ITPKB: variants seen among roughly 807,000 people sequenced by gnomAD.
ITPKB encodes the protein IP3 3-kinase B.
Under a neutral mutation model 69.4 loss-of-function variants are expected in ITPKB, and 13 were observed. That is an observed-to-expected ratio of 0.19 (90% CI 0.12 to 0.30). The LOEUF is 0.30. Among genes scored for constraint, ITPKB ranks in the 10% least tolerant of loss-of-function variants. The probability of loss-of-function intolerance (pLI) is 1.00; values close to 1 mark genes in which losing one functional copy is unlikely to be tolerated. For synonymous variants in ITPKB, 584 were observed against 513.7 expected (o/e 1.14, Z -1.85); for missense variants, 1,240 against 1,250.5 (o/e 0.99, Z 0.13).
chr1:226,702,335 T>C (rs1185634681), intron 2 of ITPKB, among the ~76,000 whole-genome samples: 1 of 151,122 alleles, frequency 6.6e-6, no homozygotes, highest in Non-Finnish European at 1.5e-5. Flanking sequence ...GGGGCGGAAG[T>C]TGCAGTGAGC....
intron 4 of ITPKB, among the ~76,000 whole-genome samples, chr1:226,644,616 A>G (rs1669028844): frequency 6.6e-6 from 1 of 152,316 alleles, no homozygotes; most frequent in Middle Eastern, 3.4e-3. Flanking sequence ...AGTCCCAAGA[A>G]GCCCCGACGT....
At chr1:226,713,146 G>A (rs1313834031) in intron 2 of ITPKB, among the ~76,000 whole-genome samples, 2 of 152,082 alleles carry the variant, frequency 1.3e-5, no homozygotes, top group African/African-American at 4.8e-5. Context: ...GCTCCGCTAA[G>A]ACACCAGAGG....
intron 2 of ITPKB, among the ~76,000 whole-genome samples, chr1:226,706,967 A>G (rs1371654191): frequency 5.9e-5 from 9 of 152,290 alleles, no homozygotes; most frequent in Admixed American, 1.3e-4. Flanking sequence ...GGGGTTTCCA[A>G]AAAGTCCAGT....
At chr1:226,663,761 A>T (rs571632332) in intron 2 of ITPKB, among the ~76,000 whole-genome samples, 21 of 152,174 alleles carry the variant, frequency 1.4e-4, no homozygotes, top group Admixed American at 3.9e-4. Context: ...ACTTCAGGTG[A>T]CCAAAGAAGT....
At chr1:226,703,203 C>A (rs1338240468) in intron 2 of ITPKB, among the ~76,000 whole-genome samples, 8 of 152,218 alleles carry the variant, frequency 5.3e-5, no homozygotes, top group Non-Finnish European at 1.0e-4. Context: ...AAAAACCTGA[C>A]TGCACACACA....
intron 2 of ITPKB, among the ~76,000 whole-genome samples, chr1:226,669,606 C>T (rs1205956994): frequency 6.6e-6 from 1 of 152,106 alleles, no homozygotes; most frequent in African/African-American, 2.4e-5. Context: ...CTATGACTAT[C>T]CAAAACGTGA....
intron 2 of ITPKB, among the ~76,000 whole-genome samples, chr1:226,655,181 G>T (rs1195218687): frequency 6.6e-6 from 1 of 152,176 alleles, no homozygotes; most frequent in Non-Finnish European, 1.5e-5. Context: ...TGGGCCTCTG[G>T]CCACCCCACT....
chr1:226,635,897 G>C (rs1167491189), intron 7 of ITPKB, among the ~76,000 whole-genome samples: 2 of 152,268 alleles, frequency 1.3e-5, no homozygotes, highest in African/African-American at 4.8e-5. Context: ...TGGGGCCAGA[G>C]GAAGGCCGGG....
intron 2 of ITPKB, among the ~76,000 whole-genome samples, chr1:226,718,992 G>C (rs1239593852): frequency 6.6e-6 from 1 of 152,156 alleles, no homozygotes; most frequent in Non-Finnish European, 1.5e-5. Flanking sequence ...AAGTGAATCG[G>C]GGGCCGGCAC....
At position 226,736,112 on chromosome 1, in the gene ITPKB, C is replaced by A. The variant is rs145422821; in HGVS notation, c.1347G>T (p.Thr449=). The A allele has an allele frequency of 2.5e-6, 4 of 1,599,438 alleles. No individual in the cohort carries two copies. In the African/African-American group the frequency reaches 4.0e-5, roughly 16 times the overall value. ...AGGGGCTGCCCCCAAGCAAGCCCAG[C>A]GTTGGGGACCCTCCCTCCACTCTGT... ...LSDRVEGGSP[T]LGLLGGSPSA... Residue 449 remains threonine, a synonymous_variant, in exon 2 of 8, where the codon ACG becomes ACT. Coordinates refer to ENST00000429204, the MANE Select transcript of ITPKB (RefSeq NM_002221.4).
rs1284265625 is a variant in ITPKB at position 226,736,983 on chromosome 1, G to T, written c.476C>A (p.Ser159Tyr). 1.2e-6 allele frequency: 2 copies of T among 1,612,558 alleles called. No homozygotes were observed. Among genetic ancestry groups the T allele is most frequent in the South Asian group, 2.2e-5 (2 of 91,088 alleles). The change falls in exon 2 of 8, where the codon TCC becomes TAC. Residue 159 changes from serine (S) to tyrosine (Y), a missense_variant. Physicochemically the swap from Ser to Tyr is moderately radical, Grantham distance 144. This residue lies in a region of ITPKB where 992 missense variants were observed against 853.8 expected (regional missense o/e 1.16). Transcript: ENST00000429204. ...CGGGCTGCGGGGCGCTTGAATGGCG[G>T]AGCTCTGTGCCTGGATGTGCGCCTC... Reference protein sequence around the residue: ...MFEAHIQAQSSAIQAPRSPRL... With the variant: ...MFEAHIQAQSYAIQAPRSPRL...
chr1:226,736,115 T>G lies in ITPKB; in HGVS notation c.1344A>C (p.Pro448=). The G allele has an allele frequency of 6.3e-7, 1 of 1,599,442 alleles. No homozygotes were observed. Among genetic ancestry groups the G allele is most frequent in the African/African-American group, 1.3e-5 (1 of 74,796 alleles). The change falls in exon 2 of 8, where the codon CCA becomes CCC. Residue 448 remains proline (P), a synonymous_variant. Coordinates refer to ENST00000429204, the MANE Select transcript of ITPKB (RefSeq NM_002221.4). The stretch of plus-strand genomic sequence containing the variant: ...GGCTGCCCCCAAGCAAGCCCAGCGT[T>G]GGGGACCCTCCCTCCACTCTGTCGG... ...QLSDRVEGGS[P]TLGLLGGSPS...
At chr1:226,699,371 T>C (rs1249621465) in intron 2 of ITPKB, among the ~76,000 whole-genome samples, 4 of 152,220 alleles carry the variant, frequency 2.6e-5, no homozygotes, top group Non-Finnish European at 4.4e-5. Flanking sequence ...CGTGAGCCTA[T>C]ACTACAGCAG....
chr1:226,687,814 C>T (rs1360661562), intron 2 of ITPKB, among the ~76,000 whole-genome samples: 1 of 152,144 alleles, frequency 6.6e-6, no homozygotes, highest in Admixed American at 6.5e-5. Flanking sequence ...TTGTGTGTGG[C>T]TCTCTACTCA....
chr1:226,634,223 C>T lies in ITPKB; in HGVS notation c.*448G>A, dbSNP rs1668780138. 1 of 160,882 alleles carries T rather than the reference C, an allele frequency of 6.2e-6. No homozygotes were observed. The highest frequency in any genetic ancestry group is 2.4e-5 in the African/African-American group (1 of 41,736). 10.0% of individuals were successfully genotyped at this position (160,882 alleles called of 1,614,324 possible). A position where few individuals can be genotyped will look rare whatever the true frequency, so the allele number is the denominator to read the frequency against. ...CCAGGGACCAGGAACCCGGCCGGCC[C>T]CCTGGGCTCTCCGGTGGGGAGGCCC... On this transcript the variant is annotated 3_prime_UTR_variant, in exon 8 of 8. Transcript: ENST00000429204. This position sits in a 1 kb window ranked among gnomAD's most constrained non-coding sequence, Gnocchi z 6.3.
rs1668977611 is a variant in ITPKB, at chr1:226,642,265, C to T, written c.2247-140G>A. The T allele has an allele frequency of 1.1e-5, 7 of 655,284 alleles. No homozygotes were observed. The highest frequency in any genetic ancestry group is 7.6e-5 in the South Asian group (4 of 52,784). The allele number at this position is 655,284 out of a possible 1,614,324, so 40.6% of individuals were successfully genotyped here. ...CAGCTCAGTGCCCTGAGTCAAGGCA[C>T]GTCTTTCCGAGGGGACGGCAGACTC... On this transcript the variant is annotated intron_variant, in intron 4 of 7. Transcript: ENST00000429204. The surrounding 1 kb of genome is among the most constrained non-coding windows in gnomAD (Gnocchi z 6.4).
intron 2 of ITPKB, among the ~76,000 whole-genome samples, chr1:226,711,425 G>GAA (rs1656951673): frequency 2.4e-5 from 3 of 124,592 alleles, no homozygotes; most frequent in African/African-American, 8.9e-5. Context: ...GAGAGAGAGA[G>GAA]AGAGAGAGAG....
intron 2 of ITPKB, among the ~76,000 whole-genome samples, chr1:226,696,341 ATATG>A (rs1656486131): frequency 6.7e-6 from 1 of 148,862 alleles, no homozygotes; most frequent in African/African-American, 2.5e-5. Context: ...GTGTGTGTGT[ATATG>A]TATCTCTCTC....
rs1478377217 is a variant in ITPKB, at chr1:226,737,850, CG to C, written c.-205-188del. 9.2e-5 allele frequency among the ~76,000 whole-genome samples: 14 copies of C among 152,154 alleles called. No individual in the cohort carries two copies. In the East Asian group the frequency reaches 2.5e-3, roughly 27 times the overall value. ...GCCCCGGCTGCCTCGGTCGCCAGCGCGGTTTCGGGTGTGCTTCCCCGCCCCC... is the reference window on the plus strand; with the variant it reads ...GCCCCGGCTGCCTCGGTCGCCAGCGCGTTTCGGGTGTGCTTCCCCGCCCCC... On this transcript the variant is annotated intron_variant, in intron 1 of 7. Transcript: ENST00000429204.
Sources: gnomAD v4.1 joint callset for allele counts (sites outside exome capture counted in the v4.1 genomes callset) on GRCh38, gnomAD v4.1.1 for gene constraint, gnomAD v4.1.1 regional missense constraint, Gnocchi (gnomAD v3.1) non-coding constraint, MANE v1.5 for transcripts, NCBI Gene and HGNC (gene_info 2026-07-23, HGNC 2026-07-21) for gene names.